Variants in SLC20A1 observed in about 807,000 individuals in gnomAD.
SLC20A1 encodes the protein sodium-dependent phosphate transporter 1.
In SLC20A1, 28 loss-of-function variants were observed where a neutral mutation model predicts 62.7. The ratio of observed to expected loss-of-function variants is 0.45; its 90% CI spans 0.33 to 0.61. The LOEUF is 0.61. SLC20A1 is among the 20% of genes least tolerant of loss of function. The probability of loss-of-function intolerance (pLI) is 0.02; values close to 1 mark genes in which losing one functional copy is unlikely to be tolerated. For synonymous variants in SLC20A1, 305 were observed against 302.9 expected (o/e 1.01, Z -0.07); for missense variants, 673 against 838.6 (o/e 0.80, Z 2.44).
chr2:112,648,963 A>G (rs1686357447), intron 4 of SLC20A1, among the ~76,000 whole-genome samples: 2 of 152,220 alleles, frequency 1.3e-5, no homozygotes, highest in South Asian at 4.1e-4. Flanking sequence ...GCTACTTAGC[A>G]GAGAGTCAGA....
Position 112,646,656 on chromosome 2 carries a change from A to G in SLC20A1, c.-173A>G, listed in dbSNP as rs1686287084. On this transcript the variant is annotated 5_prime_UTR_variant, in exon 2 of 11. Transcript: ENST00000272542. Reference sequence around the variant, plus strand: ...AAGAAACCCCAGACAACAGATGCCCATACGCAGCGTATAGCAGTAACTCCC... The same window carrying G: ...AAGAAACCCCAGACAACAGATGCCCGTACGCAGCGTATAGCAGTAACTCCC... 1 of 268,492 alleles carries G rather than the reference A, an allele frequency of 3.7e-6. No homozygotes were observed. The allele number at this position is 268,492 out of a possible 1,614,324, so 16.6% of individuals were successfully genotyped here. A position where few individuals can be genotyped will look rare whatever the true frequency, so the allele number is the denominator to read the frequency against.
At position 112,663,474 on chromosome 2, in the gene SLC20A1, A is replaced by G. The variant is rs957078928; in HGVS notation, c.*449A>G. On this transcript the variant is annotated 3_prime_UTR_variant, in exon 11 of 11. Transcript: ENST00000272542. ...ATTTAACAACAAAAATATAACTACA[A>G]CTTCCCTTGTAGTCTCTTATATAAG... The G allele has an allele frequency of 1.3e-5, 4 of 308,940 alleles. No individual in the cohort carries two copies. Among genetic ancestry groups the G allele is most frequent in the Admixed American group, 5.0e-5 (1 of 19,802 alleles). 19.1% of individuals were successfully genotyped at this position (308,940 alleles called of 1,614,324 possible).
chr2:112,653,127 T>G (rs1686485093), intron 5 of SLC20A1: 1 of 407,898 alleles, frequency 2.5e-6, no homozygotes, highest in Non-Finnish European at 4.6e-6. Flanking sequence ...ACTGAAGTCA[T>G]TAGTTATATC....
At chr2:112,648,919 T>A in intron 4 of SLC20A1, among the ~76,000 whole-genome samples, 1 of 152,210 alleles carries the variant, frequency 6.6e-6, no homozygotes, top group East Asian at 1.9e-4. Flanking sequence ...ATTTTTTTGT[T>A]TTTTTTAGAG....
chr2:112,657,993 A>G (rs1686642531), intron 6 of SLC20A1, among the ~76,000 whole-genome samples: 1 of 152,138 alleles, frequency 6.6e-6, no homozygotes, highest in African/African-American at 2.4e-5. Context: ...ATCGTTTCGA[A>G]GCTGAGGGAT....
Position 112,659,686 on chromosome 2 carries a change from GTCTC to G in SLC20A1, c.1536_1539del (p.Leu513SerfsTer22). The G allele has an allele frequency of 6.2e-7, 1 of 1,614,216 alleles. No individual in the cohort carries two copies. The highest frequency in any genetic ancestry group is 8.5e-7 in the Non-Finnish European group (1 of 1,180,016). ...ATGGTATGACCAGGATAAGCCTGAAGTCTCTCTCCTCTTCCAGTTCCTGCAGATC... is the reference window on the plus strand; with the variant it reads ...ATGGTATGACCAGGATAAGCCTGAAGTCTCCTCTTCCAGTTCCTGCAGATC... On this transcript the variant is annotated frameshift_variant, in exon 8 of 11. Transcript: ENST00000272542. LOFTEE classifies it high-confidence loss of function.
chr2:112,662,874 T>C lies in SLC20A1; in HGVS notation c.1889T>C (p.Val630Ala). The C allele has an allele frequency of 6.2e-7, 1 of 1,614,172 alleles. No homozygotes were observed. Among genetic ancestry groups the C allele is most frequent in the Non-Finnish European group, 8.5e-7 (1 of 1,180,010 alleles). Residue 630 changes from valine to alanine, a missense_variant, in exon 11 of 11, where the codon GTT (valine) becomes GCT (alanine). Coordinates refer to ENST00000272542, the MANE Select transcript of SLC20A1 (RefSeq NM_005415.5). ...ISTTHCKVGS[V>A]VSVGWLRSKK... ...CTGCTTCTCTTCTAGGTGGGCTCTG[T>C]TGTGTCTGTTGGCTGGCTCCGGTCC...
At chr2:112,651,273 G>A (rs956968925) in intron 4 of SLC20A1, among the ~76,000 whole-genome samples, 1 of 152,252 alleles carries the variant, frequency 6.6e-6, no homozygotes. Context: ...GGAAGCTGTA[G>A]GGTTTTACTT....
intron 4 of SLC20A1, among the ~76,000 whole-genome samples, chr2:112,650,347 T>C (rs1686401163): frequency 6.6e-6 from 1 of 151,610 alleles, no homozygotes; most frequent in South Asian, 2.1e-4. Flanking sequence ...TTTTTTTTTT[T>C]TTTGAGACGG....
At chr2:112,651,900 C>T (rs1454353574) in intron 4 of SLC20A1, 2 of 152,204 alleles carry the variant, frequency 1.3e-5, no homozygotes, top group Admixed American at 6.5e-5. Context: ...TGGTTTGCCC[C>T]TTCTGTACCC....
chr2:112,647,682 T>C lies in SLC20A1; in HGVS notation c.505T>C (p.Ser169Pro). Residue 169 changes from serine (S) to proline (P), a missense_variant, in exon 4 of 11, where the codon TCT becomes CCT. Coordinates refer to ENST00000272542, the MANE Select transcript of SLC20A1 (RefSeq NM_005415.5). ...VMSWFVSPLL[S>P]GIMSGILFFL... is the part of the protein sequence containing the mutation. ...GTCTTGGTTCGTGTCCCCACTGCTTTCTGGAATTATGTCTGGAATTTTATT... is the reference window on the plus strand; with the variant it reads ...GTCTTGGTTCGTGTCCCCACTGCTTCCTGGAATTATGTCTGGAATTTTATT... 2 of 1,614,116 alleles carry C rather than the reference T, an allele frequency of 1.2e-6. No individual in the cohort carries two copies. Among genetic ancestry groups the C allele is most frequent in the Non-Finnish European group, 1.7e-6 (2 of 1,179,938 alleles).
chr2:112,658,909 C>G lies in SLC20A1; in HGVS notation c.863C>G (p.Ser288Cys), dbSNP rs1189240775. ...GAAGACCATGAAGAAACAAAGTTGT[C>G]TGTTGGTGATATTGAAAACAAGCAT... is the stretch of plus-strand genomic sequence containing the variant. ...LKEDHEETKL[S>C]VGDIENKHPV... Residue 288 changes from serine to cysteine, a missense_variant, in exon 7 of 11, where the codon TCT becomes TGT. By Grantham distance (112) the Ser-to-Cys change is moderately radical. Coordinates refer to ENST00000272542, the MANE Select transcript of SLC20A1 (RefSeq NM_005415.5). 2.5e-6 allele frequency: 4 copies of G among 1,613,986 alleles called. No individual in the cohort carries two copies. Among genetic ancestry groups the G allele is most frequent in the Non-Finnish European group, 3.4e-6 (4 of 1,180,026 alleles).
chr2:112,650,242 T>C (rs575528683), intron 4 of SLC20A1, among the ~76,000 whole-genome samples: 22 of 152,292 alleles, frequency 1.4e-4, no homozygotes, highest in Admixed American at 7.8e-4. Flanking sequence ...TTACGAAATA[T>C]CTTTGAAAAT....
At chr2:112,652,609 C>T (rs1686472910) in intron 4 of SLC20A1, 93 bp from the exon 5 acceptor site, 1 of 977,720 alleles carries the variant, frequency 1.0e-6, no homozygotes, top group Non-Finnish European at 1.6e-6. Flanking sequence ...GTTATTGGCA[C>T]TATAATTCCC....
In SLC20A1 at chr2:112,647,331, T is replaced by C; in HGVS notation, c.342T>C (p.Ala114=). ...AGSVSAMFGS[A]VWQLVASFLK... ...AACTTTACTATGTTTCAGGTTCTGC[T>C]GTGTGGCAACTCGTGGCTTCGTTTT... Residue 114 remains alanine (A), a synonymous_variant, in exon 3 of 11, where the codon GCT becomes GCC. Transcript: ENST00000272542. 1 of 1,613,662 alleles carries C rather than the reference T, an allele frequency of 6.2e-7. No homozygotes were observed. Among genetic ancestry groups the C allele is most frequent in the East Asian group, 2.2e-5 (1 of 44,890 alleles).
chr2:112,662,809 C>A, intron 10 of SLC20A1, 55 bp from the exon 11 acceptor site: 2 of 1,581,016 alleles, frequency 1.3e-6, no homozygotes, highest in Non-Finnish European at 1.7e-6. Context: ...TGTCTGTTTG[C>A]CAGAATACCA....
chr2:112,646,346 C>G (rs1258950189), intron 1 of SLC20A1, among the ~76,000 whole-genome samples: 1 of 151,836 alleles, frequency 6.6e-6, no homozygotes, highest in Non-Finnish European at 1.5e-5. Context: ...GCGCGGAGGG[C>G]GCGCGCGGGC....
In SLC20A1 at chr2:112,658,690, T is replaced by C. The variant is rs1159504280; in HGVS notation, c.779-135T>C. ...CAAATGATAAAGCAGGCAGGAAAAA[T>C]GTTCCTGAATGTTAATTGAAGTTCA... On this transcript the variant is annotated intron_variant, in intron 6 of 10. Coordinates refer to ENST00000272542, the MANE Select transcript of SLC20A1 (RefSeq NM_005415.5). 6 of 978,772 alleles carry C rather than the reference T, an allele frequency of 6.1e-6. No individual in the cohort carries two copies. The East Asian group carries it at 1.5e-4, about 25-fold the overall frequency. 60.6% of individuals were successfully genotyped at this position (978,772 alleles called of 1,614,324 possible). A position where few individuals can be genotyped will look rare whatever the true frequency, so the allele number is the denominator to read the frequency against.
intron 4 of SLC20A1, among the ~76,000 whole-genome samples, chr2:112,649,408 A>G (rs1348474697): frequency 2.0e-5 from 3 of 152,210 alleles, no homozygotes; most frequent in Non-Finnish European, 4.4e-5. Context: ...TCAGTTGAGT[A>G]TGAATATTTC....
Sources: gnomAD v4.1 joint callset for allele counts (sites outside exome capture counted in the v4.1 genomes callset) on GRCh38, gnomAD v4.1.1 for gene constraint, MANE v1.5 for transcripts, NCBI Gene and HGNC (gene_info 2026-07-23, HGNC 2026-07-21) for gene names.